CADM1: variants seen among roughly 807,000 people sequenced by gnomAD.
CADM1 encodes cell adhesion molecule 1.
Under a neutral mutation model 53.1 loss-of-function variants are expected in CADM1, and 15 were observed. That is an observed-to-expected ratio of 0.28 (90% CI 0.19 to 0.44). The LOEUF is 0.44. Ranked by LOEUF, CADM1 falls within the 20% of genes least tolerant of loss-of-function variation. The pLI is 1.00. For missense variants in CADM1, 434 were observed against 611.3 expected (o/e 0.71, Z 3.06); for synonymous variants, 281 against 243.0 (o/e 1.16, Z -1.45).
At chr11:115,299,235 C>T (rs1944156748) in intron 1 of CADM1, among the ~76,000 whole-genome samples, 1 of 152,284 alleles carries the variant, frequency 6.6e-6, no homozygotes, top group Middle Eastern at 3.4e-3. Flanking sequence ...CACACTCTCC[C>T]TTATGCTCAA....
intron 2 of CADM1, among the ~76,000 whole-genome samples, chr11:115,238,995 T>G (rs531822112): frequency 2.0e-5 from 3 of 152,052 alleles, no homozygotes; most frequent in South Asian, 4.2e-4. Flanking sequence ...ATACTAGAGA[T>G]AGACAAAAAG....
At chr11:115,238,248 A>G (rs1443967124) in intron 3 of CADM1, among the ~76,000 whole-genome samples, 2 of 152,198 alleles carry the variant, frequency 1.3e-5, no homozygotes, top group African/African-American at 2.4e-5. Flanking sequence ...TGAGGGCTCT[A>G]AATTCTCTTG....
In CADM1 at chr11:115,174,563, T is replaced by C. The variant is rs1198167034; in HGVS notation, c.*1911A>G. 4 of 985,274 alleles carry C rather than the reference T, an allele frequency of 4.1e-6. No homozygotes were observed. The African/African-American group carries it at 7.0e-5, about 17-fold the overall frequency. The allele number at this position is 985,274 out of a possible 1,614,324, so 61.0% of individuals were successfully genotyped here. ...GTCCGTTCCCAAAAGGCCCCCATAT[T>C]GCAATGGTTCTATCAAAGGTTAAAA... On this transcript the variant is annotated 3_prime_UTR_variant, in exon 12 of 12. Transcript: ENST00000331581.
intron 1 of CADM1, among the ~76,000 whole-genome samples, chr11:115,424,354 T>C (rs1010067474): frequency 5.3e-5 from 8 of 152,196 alleles, no homozygotes; most frequent in Non-Finnish European, 1.0e-4. Context: ...ACAGGTGCTA[T>C]ATCATGTTAG....
At chr11:115,210,916 G>A (rs908397736) in intron 7 of CADM1, among the ~76,000 whole-genome samples, 56 of 152,142 alleles carry the variant, frequency 3.7e-4, no homozygotes, top group African/African-American at 1.3e-3. Context: ...ACACTTGGAT[G>A]AAATTAACAG....
intron 1 of CADM1, among the ~76,000 whole-genome samples, chr11:115,414,062 TAC>T (rs1048081852): frequency 5.7e-4 from 86 of 152,016 alleles, no homozygotes; most frequent in Non-Finnish European, 9.7e-4. Context: ...AATAAGTATA[TAC>T]ACACACACAC....
chr11:115,342,533 C>A (rs1945476047), intron 1 of CADM1, among the ~76,000 whole-genome samples: 1 of 152,132 alleles, frequency 6.6e-6, no homozygotes. Context: ...CCTAAGGCCC[C>A]AGTGACAGAA....
At chr11:115,485,306 G>T (rs569318421) in intron 1 of CADM1, among the ~76,000 whole-genome samples, 1 of 152,226 alleles carries the variant, frequency 6.6e-6, no homozygotes, top group African/African-American at 2.4e-5. Flanking sequence ...CACCCCTTAA[G>T]GATCTCTCAT....
chr11:115,252,382 T>A (rs1207914032), intron 1 of CADM1, among the ~76,000 whole-genome samples: 1 of 152,224 alleles, frequency 6.6e-6, no homozygotes, highest in African/African-American at 2.4e-5. Flanking sequence ...ATTAGGACCT[T>A]CTTATGATCT....
chr11:115,371,636 G>A (rs1163101643), intron 1 of CADM1, among the ~76,000 whole-genome samples: 1 of 144,340 alleles, frequency 6.9e-6, no homozygotes, highest in African/African-American at 2.5e-5. Flanking sequence ...TTGTCAGACT[G>A]GATTTTTTTT....
At chr11:115,385,414 G>A (rs1946675531) in intron 1 of CADM1, among the ~76,000 whole-genome samples, 1 of 152,046 alleles carries the variant, frequency 6.6e-6, no homozygotes, top group Non-Finnish European at 1.5e-5. Context: ...TTTCTCTCAA[G>A]AGTTGAAACA....
intron 1 of CADM1, among the ~76,000 whole-genome samples, chr11:115,473,968 T>C (rs1332729831): frequency 6.6e-6 from 1 of 152,080 alleles, no homozygotes; most frequent in Non-Finnish European, 1.5e-5. Context: ...CTCTCAATAC[T>C]TGACAATAAG....
intron 1 of CADM1, among the ~76,000 whole-genome samples, chr11:115,318,200 T>G (rs1030035872): frequency 1.3e-5 from 2 of 152,202 alleles, no homozygotes; most frequent in East Asian, 1.9e-4. Context: ...TAGAAATGCA[T>G]CAATTCCCTT....
chr11:115,323,685 A>G (rs547604646), intron 1 of CADM1, among the ~76,000 whole-genome samples: 2 of 152,302 alleles, frequency 1.3e-5, no homozygotes, highest in South Asian at 4.1e-4. Flanking sequence ...AAAGCAACTT[A>G]TTTGGACTTA....
chr11:115,250,149 T>G (rs182111646), intron 1 of CADM1, among the ~76,000 whole-genome samples: 3 of 152,180 alleles, frequency 2.0e-5, no homozygotes, highest in Non-Finnish European at 4.4e-5. Context: ...GTGATCTGCC[T>G]GCCTCAGCCT....
chr11:115,265,557 C>T (rs1943110533), intron 1 of CADM1, among the ~76,000 whole-genome samples: 1 of 152,092 alleles, frequency 6.6e-6, no homozygotes, highest in Non-Finnish European at 1.5e-5. Context: ...AGTGTTCATC[C>T]CTCATAAAAT....
rs1026743425 is a variant in CADM1 at position 115,173,099 on chromosome 11, T to A, written c.*3375A>T. ...CAACCTAAACAGCAAGTGAGAACAA[T>A]CTTCTGCAGGCAGCCAAGCCAGTCC... On this transcript the variant is annotated 3_prime_UTR_variant, in exon 12 of 12. Coordinates refer to ENST00000331581, the MANE Select transcript of CADM1 (RefSeq NM_001301043.2). The A allele has an allele frequency of 4.6e-5, 7 of 152,238 alleles. No individual in the cohort carries two copies. Among genetic ancestry groups the A allele is most frequent in the Admixed American group, 1.3e-4 (2 of 15,288 alleles). The allele number at this position is 152,238 out of a possible 1,614,324, so 9.4% of individuals were successfully genotyped here.
At chr11:115,470,963 T>A (rs1486949266) in intron 1 of CADM1, among the ~76,000 whole-genome samples, 1 of 152,178 alleles carries the variant, frequency 6.6e-6, no homozygotes, top group Non-Finnish European at 1.5e-5. Context: ...CTCCCTTTCC[T>A]CGTGTCAGCA....
intron 1 of CADM1, among the ~76,000 whole-genome samples, chr11:115,469,669 C>CTTTTTTTT (rs554156174): frequency 1.0e-5 from 1 of 100,468 alleles, no homozygotes; most frequent in African/African-American, 3.9e-5. Context: ...AACTTCTGGG[C>CTTTTTTTT]TTTTTTTTTT....
Sources: gnomAD v4.1 joint callset for allele counts (sites outside exome capture counted in the v4.1 genomes callset) on GRCh38, gnomAD v4.1.1 for gene constraint, MANE v1.5 for transcripts, NCBI Gene and HGNC (gene_info 2026-07-23, HGNC 2026-07-21) for gene names.